AP2A2: variants seen among roughly 807,000 people sequenced by gnomAD.
AP2A2 encodes adaptor related protein complex 2 subunit alpha 2.
Under a neutral mutation model 104.2 loss-of-function variants are expected in AP2A2, and 32 were observed. The observed-to-expected ratio is 0.31, with a 90% CI of 0.23 to 0.41. The LOEUF is 0.41. AP2A2 is among the 10% of genes least tolerant of loss of function. AP2A2 has a pLI of 1.00. For synonymous variants in AP2A2, 539 were observed against 533.3 expected (o/e 1.01, Z -0.15); for missense variants, 912 against 1,261.0 (o/e 0.72, Z 4.19).
intron 6 of AP2A2, among the ~76,000 whole-genome samples, chr11:982,486 T>C (rs574721654): frequency 1.1e-4 from 16 of 152,204 alleles, no homozygotes; most frequent in Non-Finnish European, 2.2e-4. Flanking sequence ...TTGTCCGTTT[T>C]TTGTGTTGAA....
At chr11:933,548 T>C (rs1853357332) in intron 1 of AP2A2, 1 of 456,168 alleles carries the variant, frequency 2.2e-6, no homozygotes, top group African/African-American at 2.0e-5. Flanking sequence ...AGCTCTGTGC[T>C]TGGGACAGGG....
chr11:1,000,342 G>A, intron 14 of AP2A2, 90 bp from the exon 15 acceptor site: 1 of 1,319,964 alleles, frequency 7.6e-7, no homozygotes, highest in East Asian at 2.5e-5. Context: ...CCAAGGGGGT[G>A]CCATGGGGGA....
At chr11:977,946 G>T (rs1483026386) in intron 5 of AP2A2, among the ~76,000 whole-genome samples, 1 of 152,170 alleles carries the variant, frequency 6.6e-6, no homozygotes, top group African/African-American at 2.4e-5. Flanking sequence ...GCCCCATCCT[G>T]GCGGGGGAGC....
Position 974,049 on chromosome 11 carries a change from C to G in AP2A2, c.473+1794C>G, listed in dbSNP as rs184636788. Among the ~76,000 whole-genome samples the G allele has an allele frequency of 3.8e-3, 573 of 152,252 alleles. 5 individuals are homozygous for G. The highest frequency in any genetic ancestry group is 0.012 in the African/African-American group (498 of 41,532). On this transcript the variant is annotated intron_variant, in intron 4 of 21. Coordinates refer to ENST00000448903, the MANE Select transcript of AP2A2 (RefSeq NM_012305.4). ...GAGCCAGGGACAGAGGAGGGAGGAG[C>G]CAGGGTGAGGAGGGGTCTCCAGGGG...
rs1856399226 is a variant in AP2A2, at chr11:1,010,717, C to T, written c.*92C>T. 1.9e-6 allele frequency: 2 copies of T among 1,079,258 alleles called. No homozygotes were observed. The highest frequency in any genetic ancestry group is 2.7e-5 in the South Asian group (2 of 74,760). The allele number at this position is 1,079,258 out of a possible 1,614,324, so 66.9% of individuals were successfully genotyped here. A position where few individuals can be genotyped will look rare whatever the true frequency, so the allele number is the denominator to read the frequency against. ...GCCATCCTGCAGATGAGCACCGTGTCCAGTGCCACAGCACAAGGCGCCTCC... is the reference window on the plus strand; with the variant it reads ...GCCATCCTGCAGATGAGCACCGTGTTCAGTGCCACAGCACAAGGCGCCTCC... On this transcript the variant is annotated 3_prime_UTR_variant, in exon 22 of 22. Transcript: ENST00000448903.
Position 981,243 on chromosome 11 carries a change from A to G in AP2A2, c.649A>G (p.Lys217Glu). Residue 217 changes from lysine (K) to glutamate (E), a missense_variant, in exon 6 of 22, where the codon AAG (lysine) becomes GAG (glutamate). Coordinates refer to ENST00000448903, the MANE Select transcript of AP2A2 (RefSeq NM_012305.4). ...AAGTCTGATCACCACTTTAGCACAG[A>G]AGAACCCAGAAGAGTTTAAAACCTC... is the stretch of plus-strand genomic sequence containing the variant. ...ATSLITTLAQKNPEEFKTSVS... is the reference protein window; with the variant it reads ...ATSLITTLAQENPEEFKTSVS... 6.2e-7 allele frequency: 1 copy of G among 1,613,736 alleles called. No homozygotes were observed. The highest frequency in any genetic ancestry group is 8.5e-7 in the Non-Finnish European group (1 of 1,179,804).
chr11:1,010,890 G>T lies in AP2A2; in HGVS notation c.*265G>T. ...TTTATAAAAATCGAGACAGTTCTGT[G>T]GTTAAATCTACAAATTAAAGGGAAA... is the stretch of plus-strand genomic sequence containing the variant. On this transcript the variant is annotated 3_prime_UTR_variant, in exon 22 of 22. Transcript: ENST00000448903. The T allele has an allele frequency of 1.5e-6, 1 of 651,220 alleles. No individual in the cohort carries two copies. The highest frequency in any genetic ancestry group is 1.8e-5 in the South Asian group (1 of 55,874). The allele number at this position is 651,220 out of a possible 1,614,324, so 40.3% of individuals were successfully genotyped here. A position where few individuals can be genotyped will look rare whatever the true frequency, so the allele number is the denominator to read the frequency against.
intron 1 of AP2A2, among the ~76,000 whole-genome samples, chr11:939,951 CTTTTT>C (rs145184268): frequency 1.2e-3 from 126 of 106,034 alleles, no homozygotes; most frequent in Non-Finnish European, 1.4e-3. Context: ...GTTTTGCTTA[CTTTTT>C]TTTTTTTTTT....
Position 968,489 on chromosome 11 carries a change from G to A in AP2A2, c.137-1680G>A, listed in dbSNP as rs1196625047. 6.6e-6 allele frequency among the ~76,000 whole-genome samples: 1 copy of A among 152,064 alleles called. No homozygotes were observed. The highest frequency in any genetic ancestry group is 2.4e-5 in the African/African-American group (1 of 41,418). On this transcript the variant is annotated intron_variant, in intron 2 of 21. Coordinates refer to ENST00000448903, the MANE Select transcript of AP2A2 (RefSeq NM_012305.4). This position sits in a 1 kb window ranked among gnomAD's most constrained non-coding sequence, Gnocchi z 4.2. ...CTGTCCCACAAAACTCAGCCCAGTC[G>A]GGCCGCTGGTCCTCTCCCCTGTCAG...
chr11:1,010,411 A>C lies in AP2A2; in HGVS notation c.2743-137A>C, dbSNP rs1856387087. ...CATGCTGACAGTGTGTGTGGTGCTC[A>C]GGCCTCTGCCGAGTTGTGGGTGCCT... On this transcript the variant is annotated intron_variant, in intron 21 of 21. Coordinates refer to ENST00000448903, the MANE Select transcript of AP2A2 (RefSeq NM_012305.4). The C allele has an allele frequency of 7.5e-6, 5 of 663,386 alleles. No individual in the cohort carries two copies. The East Asian group carries it at 1.4e-4, about 18-fold the overall frequency. The allele number at this position is 663,386 out of a possible 1,614,324, so 41.1% of individuals were successfully genotyped here. A position where few individuals can be genotyped will look rare whatever the true frequency, so the allele number is the denominator to read the frequency against.
intron 7 of AP2A2, among the ~76,000 whole-genome samples, chr11:985,172 G>A (rs967984851): frequency 2.0e-5 from 3 of 152,100 alleles, no homozygotes; most frequent in African/African-American, 4.8e-5. Flanking sequence ...TTGTAGAGAC[G>A]GGGTTTCACC....
At chr11:997,070 A>G (rs1855880514) in intron 14 of AP2A2, among the ~76,000 whole-genome samples, 1 of 152,108 alleles carries the variant, frequency 6.6e-6, no homozygotes, top group African/African-American at 2.4e-5. Context: ...TTTCTTGCTC[A>G]GGGTCTTCTG....
chr11:997,244 G>C (rs1445593598), intron 14 of AP2A2, among the ~76,000 whole-genome samples: 1 of 152,198 alleles, frequency 6.6e-6, no homozygotes, highest in Non-Finnish European at 1.5e-5. Context: ...TCTGCACACA[G>C]CTCCTTGGGG....
At position 1,003,788 on chromosome 11, in the gene AP2A2, A is replaced by G; in HGVS notation, c.2190A>G (p.Glu730=). ...TGCTTCAAATTGGACTTAAGTCTGA[A>G]TTTCGGCAGAATTTAGGTATGTGTT... The part of the protein sequence containing the change: ...NQLLQIGLKS[E]FRQNLGRMFI... Residue 730 remains glutamate, a synonymous_variant, in exon 16 of 22, where the codon GAA becomes GAG. Transcript: ENST00000448903. 3 of 1,603,632 alleles carry G rather than the reference A, an allele frequency of 1.9e-6. No homozygotes were observed. The highest frequency in any genetic ancestry group is 1.7e-6 in the Non-Finnish European group (2 of 1,174,904).
intron 1 of AP2A2, 62 bp from the exon 2 acceptor site, chr11:959,375 G>C: frequency 8.6e-7 from 1 of 1,158,640 alleles, no homozygotes; most frequent in Non-Finnish European, 1.3e-6. Flanking sequence ...AGTCTTATCA[G>C]GGAAATGGTG....
intron 6 of AP2A2, among the ~76,000 whole-genome samples, chr11:983,573 TG>T (rs1363467209): frequency 1.3e-5 from 2 of 151,774 alleles, no homozygotes; most frequent in African/African-American, 2.4e-5. Flanking sequence ...TTAGTAGAGA[TG>T]GGGTTTCACT....
In AP2A2 at chr11:1,002,308, C is replaced by G. The variant is rs543224017; in HGVS notation, c.2124-1414C>G. Among the ~76,000 whole-genome samples, 346 of 152,384 alleles carry G rather than the reference C, an allele frequency of 2.3e-3. 3 individuals are homozygous for G. Among genetic ancestry groups the G allele is most frequent in the African/African-American group, 7.5e-3 (313 of 41,594 alleles). ...GTGCGGTGAGCACGTGGACCTCCGC[C>G]TCGGCCGGCTCCTCCTGTTAAGCGA... On this transcript the variant is annotated intron_variant, in intron 15 of 21. Transcript: ENST00000448903.
At chr11:990,547 C>T (rs1006485319) in intron 10 of AP2A2, among the ~76,000 whole-genome samples, 3 of 152,168 alleles carry the variant, frequency 2.0e-5, no homozygotes, top group East Asian at 1.9e-4. Context: ...TGTCTGCTCT[C>T]GCCCCTCTGC....
Position 935,353 on chromosome 11 carries a change from A to G in AP2A2, c.67+9265A>G, listed in dbSNP as rs537313172. Among the ~76,000 whole-genome samples the G allele has an allele frequency of 5.3e-5, 8 of 151,978 alleles. No individual in the cohort carries two copies. The East Asian group carries it at 1.6e-3, about 30-fold the overall frequency. On this transcript the variant is annotated intron_variant, in intron 1 of 21. Transcript: ENST00000448903. ...ATTACAGGTGTGAGCCACCGCGCCCAGCTGGGGTTTCACCATTTTGGCCAG... is the reference window on the plus strand; with the variant it reads ...ATTACAGGTGTGAGCCACCGCGCCCGGCTGGGGTTTCACCATTTTGGCCAG...
Sources: allele counts gnomAD v4.1 joint callset (sites outside exome capture counted in the v4.1 genomes callset), GRCh38; gene constraint gnomAD v4.1.1; non-coding constraint Gnocchi (gnomAD v3.1); transcripts MANE v1.5; gene names NCBI Gene and HGNC (gene_info 2026-07-23, HGNC 2026-07-21).